PLEKHA5: variants seen among roughly 807,000 people sequenced by gnomAD.
PLEKHA5 encodes pleckstrin homology domain containing A5, also known as pleckstrin homology domain-containing family A member 5.
A neutral mutation model predicts 181.9 loss-of-function variants in PLEKHA5; 55 were observed. The ratio of observed to expected loss-of-function variants is 0.30; its 90% CI spans 0.24 to 0.38. The LOEUF is 0.38. Ranked by LOEUF, PLEKHA5 falls within the 10% of genes least tolerant of loss-of-function variation. The probability of loss-of-function intolerance (pLI) is 1.00; values close to 1 mark genes in which losing one functional copy is unlikely to be tolerated. For missense variants in PLEKHA5, 1,432 were observed against 1,549.5 expected (o/e 0.92, Z 1.27); for synonymous variants, 535 against 529.4 (o/e 1.01, Z -0.15).
chr12:19,354,088 A>C, intron 26 of PLEKHA5, 86 bp downstream of exon 26: 1 of 510,918 alleles, frequency 2.0e-6, no homozygotes, highest in Non-Finnish European at 3.5e-6. Context: ...GTGTCTTATC[A>C]AAATTATTTT....
chr12:19,210,558 G>T (rs943340438), intron 3 of PLEKHA5, among the ~76,000 whole-genome samples: 1 of 152,132 alleles, frequency 6.6e-6, no homozygotes, highest in Non-Finnish European at 1.5e-5. Context: ...TTCCAGATGA[G>T]CTATGATTTT....
chr12:19,255,913 T>C (rs962829943), intron 5 of PLEKHA5, among the ~76,000 whole-genome samples: 1 of 140,284 alleles, frequency 7.1e-6, no homozygotes, highest in Admixed American at 7.1e-5. Context: ...AAGCTCAGAA[T>C]GCAGATGGGC....
intron 16 of PLEKHA5, among the ~76,000 whole-genome samples, chr12:19,317,761 T>G (rs888608897): frequency 3.3e-5 from 5 of 151,692 alleles, no homozygotes; most frequent in African/African-American, 9.7e-5. Context: ...CTAAATAAAA[T>G]ATAACACATG....
rs114276730 is a variant in PLEKHA5, at chr12:19,375,302, C to T, written c.*12-229C>T. On this transcript the variant is annotated intron_variant, in intron 31 of 31. Coordinates refer to ENST00000429027, the MANE Select transcript of PLEKHA5 (RefSeq NM_001256470.2). ...TCATACCACTGCACCCCAGCCTAGGCGATAGTGATACCCTGTCTCAAAAAA... is the reference window on the plus strand; with the variant it reads ...TCATACCACTGCACCCCAGCCTAGGTGATAGTGATACCCTGTCTCAAAAAA... 6.5e-3 allele frequency among the ~76,000 whole-genome samples: 989 copies of T among 151,724 alleles called. 5 individuals are homozygous for T. The highest frequency in any genetic ancestry group is 0.023 in the African/African-American group (933 of 41,344).
chr12:19,352,692 G>C (rs146298718), intron 25 of PLEKHA5, among the ~76,000 whole-genome samples: 9 of 151,028 alleles, frequency 6.0e-5, no homozygotes, highest in Non-Finnish European at 1.3e-4. Flanking sequence ...TAGGATTATA[G>C]GCAATGAGCC....
rs2066238579 is a variant in PLEKHA5, at chr12:19,254,305, A to G, written c.311+282A>G. Among the ~76,000 whole-genome samples the G allele has an allele frequency of 2.0e-5, 3 of 152,210 alleles. No homozygotes were observed. The South Asian group carries it at 6.2e-4, about 31-fold the overall frequency. Reference sequence around the variant, plus strand: ...AAACTGTGTAAATGGTTAGATTATTAAACTAATTTGAGCTCACTTTTCTCA... The same window carrying G: ...AAACTGTGTAAATGGTTAGATTATTGAACTAATTTGAGCTCACTTTTCTCA... On this transcript the variant is annotated intron_variant, in intron 4 of 31. Coordinates refer to ENST00000429027, the MANE Select transcript of PLEKHA5 (RefSeq NM_001256470.2).
intron 8 of PLEKHA5, among the ~76,000 whole-genome samples, chr12:19,267,275 C>T (rs940741726): frequency 6.6e-6 from 1 of 152,044 alleles, no homozygotes; most frequent in East Asian, 1.9e-4. Flanking sequence ...ATGTTTGTAC[C>T]ATTATAAAAT....
intron 3 of PLEKHA5, among the ~76,000 whole-genome samples, chr12:19,143,188 T>C (rs565740506): frequency 6.6e-6 from 1 of 152,332 alleles, no homozygotes; most frequent in South Asian, 2.1e-4. Context: ...TTTTAATTTC[T>C]TGAGGAACCT....
At chr12:19,374,087 A>G (rs2095653738) in intron 31 of PLEKHA5, among the ~76,000 whole-genome samples, 1 of 152,200 alleles carries the variant, frequency 6.6e-6, no homozygotes, top group Non-Finnish European at 1.5e-5. Context: ...TGCATATGCC[A>G]TCTTTCTGAA....
At chr12:19,217,014 G>A (rs944649770) in intron 3 of PLEKHA5, among the ~76,000 whole-genome samples, 1 of 152,180 alleles carries the variant, frequency 6.6e-6, no homozygotes, top group African/African-American at 2.4e-5. Flanking sequence ...CAGTGAGACT[G>A]CCTTACAACA....
intron 15 of PLEKHA5, among the ~76,000 whole-genome samples, chr12:19,295,788 A>G (rs2079599987): frequency 1.3e-5 from 2 of 152,144 alleles, no homozygotes; most frequent in Admixed American, 6.5e-5. Context: ...CCTGTACCCT[A>G]CTGGTTATTA....
chr12:19,142,198 C>CA (rs113358468), intron 3 of PLEKHA5, among the ~76,000 whole-genome samples: 23,801 of 150,868 alleles, frequency 0.16, 3,034 homozygotes, highest in African/African-American at 0.34. Flanking sequence ...CCAATCTCTA[C>CA]AAAAAAAAAT....
chr12:19,245,135 G>T (rs1201642914), intron 3 of PLEKHA5, among the ~76,000 whole-genome samples: 3 of 152,170 alleles, frequency 2.0e-5, no homozygotes, highest in Admixed American at 6.5e-5. Context: ...CCTTCCCAAA[G>T]CAAGAAACTA....
chr12:19,233,742 G>A (rs192901729), intron 3 of PLEKHA5, among the ~76,000 whole-genome samples: 2 of 152,168 alleles, frequency 1.3e-5, no homozygotes, highest in Non-Finnish European at 2.9e-5. Context: ...TGAGGAATGT[G>A]CTGAAACGTT....
At chr12:19,333,553 C>T (rs2093061493) in intron 20 of PLEKHA5, among the ~76,000 whole-genome samples, 1 of 151,624 alleles carries the variant, frequency 6.6e-6, no homozygotes, top group Admixed American at 6.6e-5. Flanking sequence ...CATGCCACTG[C>T]ACTCCAGCCT....
At chr12:19,185,582 A>T (rs531549936) in intron 3 of PLEKHA5, among the ~76,000 whole-genome samples, 1 of 152,302 alleles carries the variant, frequency 6.6e-6, no homozygotes, top group East Asian at 1.9e-4. Context: ...GAGTCTCTGG[A>T]TCTAGCCATT....
At chr12:19,277,116 A>C (rs2074770995) in intron 11 of PLEKHA5, among the ~76,000 whole-genome samples, 1 of 152,146 alleles carries the variant, frequency 6.6e-6, no homozygotes, top group Admixed American at 6.6e-5. Context: ...AAATTAATAC[A>C]ATGTGATTAG....
At chr12:19,354,120 A>T in intron 26 of PLEKHA5, 118 bp downstream of exon 26, 4 of 257,164 alleles carry the variant, frequency 1.6e-5, no homozygotes, top group Non-Finnish European at 1.5e-5. Flanking sequence ...AGAAAAACTT[A>T]GTAATCTTAG....
intron 3 of PLEKHA5, among the ~76,000 whole-genome samples, chr12:19,248,124 G>C (rs1214959678): frequency 6.6e-6 from 1 of 152,108 alleles, no homozygotes; most frequent in Non-Finnish European, 1.5e-5. Context: ...TTGAGAGGCT[G>C]AGGTAAGAGG....
Sources: gnomAD v4.1 joint callset for allele counts (sites outside exome capture counted in the v4.1 genomes callset) on GRCh38, gnomAD v4.1.1 for gene constraint, MANE v1.5 for transcripts, NCBI Gene and HGNC (gene_info 2026-07-23, HGNC 2026-07-21) for gene names.